Variants in CPNE8 observed in about 807,000 individuals in gnomAD.
The protein encoded by CPNE8 is copine 8, also known as copine-8.
In CPNE8, 45 loss-of-function variants were observed where a neutral mutation model predicts 81.5. The ratio of observed to expected loss-of-function variants is 0.55; its 90% CI spans 0.44 to 0.71. CPNE8 has a LOEUF of 0.71. Among genes scored for constraint, CPNE8 ranks in the 30% least tolerant of loss-of-function variants. The pLI, the probability that CPNE8 is intolerant of heterozygous loss-of-function variation, is 0.00. For missense variants in CPNE8, 594 were observed against 672.1 expected (o/e 0.88, Z 1.28); for synonymous variants, 252 against 226.3 (o/e 1.11, Z -1.02).
At position 38,766,701 on chromosome 12, in the gene CPNE8, T is replaced by G. The variant is rs191417333; in HGVS notation, c.575+934A>C. On this transcript the variant is annotated intron_variant, in intron 8 of 19. Coordinates refer to ENST00000331366, the MANE Select transcript of CPNE8 (RefSeq NM_153634.3). The stretch of plus-strand genomic sequence containing the variant: ...AAGTGCAGCATTTTTTCCCATTCTA[T>G]TCCCCTCATTTTTAATTTCCAAATA... 1.1e-4 allele frequency among the ~76,000 whole-genome samples: 17 copies of G among 152,258 alleles called. No individual in the cohort carries two copies. In the East Asian group the frequency reaches 3.3e-3, roughly 29 times the overall value.
chr12:38,694,396 C>T (rs1354882266), intron 14 of CPNE8, among the ~76,000 whole-genome samples: 1 of 152,144 alleles, frequency 6.6e-6, no homozygotes, highest in Non-Finnish European at 1.5e-5. Flanking sequence ...AGACATTAAG[C>T]TAGGAGCCAG....
At chr12:38,859,065 T>C (rs992832979) in intron 3 of CPNE8, among the ~76,000 whole-genome samples, 4 of 152,162 alleles carry the variant, frequency 2.6e-5, no homozygotes, top group African/African-American at 9.7e-5. Context: ...TTCTCACCAC[T>C]TCTAATCGAC....
At chr12:38,779,939 T>G (rs1942011136) in intron 6 of CPNE8, among the ~76,000 whole-genome samples, 1 of 152,034 alleles carries the variant, frequency 6.6e-6, no homozygotes, top group African/African-American at 2.4e-5. Context: ...GCAAGAATAT[T>G]TGGAACAGAA....
chr12:38,831,096 T>C (rs1943278806), intron 5 of CPNE8, among the ~76,000 whole-genome samples: 1 of 152,186 alleles, frequency 6.6e-6, no homozygotes, highest in Non-Finnish European at 1.5e-5. Flanking sequence ...AAGGAATTAC[T>C]TTCTTGAGAG....
chr12:38,811,539 G>A (rs1942935615), intron 6 of CPNE8, among the ~76,000 whole-genome samples: 1 of 152,110 alleles, frequency 6.6e-6, no homozygotes, highest in African/African-American at 2.4e-5. Context: ...TCAAACTTAG[G>A]TTCCATAATA....
intron 14 of CPNE8, among the ~76,000 whole-genome samples, chr12:38,702,337 CTG>C (rs1939967927): frequency 6.6e-6 from 1 of 152,004 alleles, no homozygotes; most frequent in Non-Finnish European, 1.5e-5. Flanking sequence ...CATACATGGG[CTG>C]TTATATATCC....
chr12:38,876,034 C>CA (rs1249959475), intron 1 of CPNE8, among the ~76,000 whole-genome samples: 1 of 151,856 alleles, frequency 6.6e-6, no homozygotes, highest in Non-Finnish European at 1.5e-5. Flanking sequence ...TCAGAATTCA[C>CA]AAAAAAACAG....
intron 1 of CPNE8, among the ~76,000 whole-genome samples, chr12:38,887,840 G>A (rs1333546040): frequency 6.6e-6 from 1 of 152,142 alleles, no homozygotes; most frequent in East Asian, 1.9e-4. Flanking sequence ...CCCTAACTAC[G>A]TTACAACACT....
At chr12:38,782,113 A>G (rs1942065777) in intron 6 of CPNE8, among the ~76,000 whole-genome samples, 1 of 152,146 alleles carries the variant, frequency 6.6e-6, no homozygotes, top group Non-Finnish European at 1.5e-5. Flanking sequence ...ATTAAATACC[A>G]TGGTAACACA....
chr12:38,672,390 G>C (rs1418063848), intron 18 of CPNE8, among the ~76,000 whole-genome samples: 1 of 152,188 alleles, frequency 6.6e-6, no homozygotes, highest in African/African-American at 2.4e-5. Flanking sequence ...AGTGGAGGCT[G>C]TGCTTTTGAG....
At chr12:38,798,698 A>G (rs1395909747) in intron 6 of CPNE8, among the ~76,000 whole-genome samples, 1 of 152,140 alleles carries the variant, frequency 6.6e-6, no homozygotes, top group Admixed American at 6.5e-5. Flanking sequence ...ACACATAACA[A>G]TATTAACTTT....
chr12:38,661,523 G>C (rs1007577264), intron 19 of CPNE8, among the ~76,000 whole-genome samples: 2 of 152,048 alleles, frequency 1.3e-5, no homozygotes, highest in African/African-American at 2.4e-5. Context: ...GAGTTGATGG[G>C]TGCAGCAAAC....
At chr12:38,906,224 T>G (rs865795345), upstream of CPNE8, 2 of 985,304 alleles carry the variant, frequency 2.0e-6, no homozygotes, top group African/African-American at 1.7e-5. Flanking sequence ...GCTTCTGGAC[T>G]GCCCACTGTC....
At chr12:38,728,894 A>T (rs1345377006) in intron 11 of CPNE8, among the ~76,000 whole-genome samples, 1 of 152,114 alleles carries the variant, frequency 6.6e-6, no homozygotes, top group East Asian at 1.9e-4. Context: ...AAATATGCAT[A>T]ATAAGAAAAC....
intron 10 of CPNE8, among the ~76,000 whole-genome samples, chr12:38,739,068 T>G (rs1941026794): frequency 1.3e-5 from 2 of 152,140 alleles, no homozygotes; most frequent in Non-Finnish European, 2.9e-5. Flanking sequence ...TGCCTTGGCT[T>G]CCCAAAGTGC....
chr12:38,869,931 C>G (rs926456273), intron 3 of CPNE8, among the ~76,000 whole-genome samples: 2 of 152,188 alleles, frequency 1.3e-5, no homozygotes, highest in African/African-American at 4.8e-5. Flanking sequence ...AAACTGTAGG[C>G]TTCCTCTTTC....
At chr12:38,816,609 A>G (rs1280797936) in intron 6 of CPNE8, among the ~76,000 whole-genome samples, 7 of 152,244 alleles carry the variant, frequency 4.6e-5, no homozygotes, top group African/African-American at 1.7e-4. Context: ...AAGAAAGGGG[A>G]GAAAGAACCA....
intron 16 of CPNE8, among the ~76,000 whole-genome samples, chr12:38,680,562 T>G (rs964299689): frequency 2.0e-5 from 3 of 152,022 alleles, no homozygotes; most frequent in African/African-American, 7.2e-5. Flanking sequence ...ATATAGTGAT[T>G]TGGAGTCAGA....
intron 14 of CPNE8, 105 bp downstream of exon 14, chr12:38,702,770 T>A: frequency 1.6e-6 from 1 of 622,514 alleles, no homozygotes; most frequent in Non-Finnish European, 2.6e-6. Context: ...ATGGAAAACT[T>A]CAGAAGTATG....
Sources: allele counts gnomAD v4.1 joint callset (sites outside exome capture counted in the v4.1 genomes callset), GRCh38; gene constraint gnomAD v4.1.1; transcripts MANE v1.5; gene names NCBI Gene and HGNC (gene_info 2026-07-23, HGNC 2026-07-21).